Variants in PCCA observed in about 807,000 individuals in gnomAD.
The protein encoded by PCCA is propionyl-CoA carboxylase subunit alpha.
Under a neutral mutation model 101.3 loss-of-function variants are expected in PCCA, and 74 were observed. The observed-to-expected ratio is 0.73, with a 90% CI of 0.61 to 0.89. PCCA has a LOEUF of 0.89. Ranked by LOEUF, PCCA falls within the 40% of genes least tolerant of loss-of-function variation. PCCA has a pLI of 0.00. For missense variants in PCCA, 891 were observed against 907.0 expected (o/e 0.98, Z 0.23); for synonymous variants, 294 against 313.6 (o/e 0.94, Z 0.66).
chr13:100,493,328 A>G (rs1384525714), intron 21 of PCCA, among the ~76,000 whole-genome samples: 1 of 152,146 alleles, frequency 6.6e-6, no homozygotes, highest in Non-Finnish European at 1.5e-5. Flanking sequence ...CAGACCTTCA[A>G]AGGCCTGTTG....
chr13:100,199,463 C>T (rs1048734920), intron 6 of PCCA, among the ~76,000 whole-genome samples: 7 of 152,162 alleles, frequency 4.6e-5, no homozygotes, highest in African/African-American at 1.7e-4. Flanking sequence ...GTTTGACTTA[C>T]AGAGTCTTAC....
intron 6 of PCCA, among the ~76,000 whole-genome samples, chr13:100,194,510 C>T (rs575533026): frequency 2.0e-5 from 3 of 152,226 alleles, no homozygotes; most frequent in African/African-American, 4.8e-5. Flanking sequence ...CTCCGCCTCC[C>T]GGGTTCAAGC....
chr13:100,105,274 G>A (rs1566476124), intron 2 of PCCA, among the ~76,000 whole-genome samples: 1 of 152,056 alleles, frequency 6.6e-6, no homozygotes, highest in Non-Finnish European at 1.5e-5. Context: ...TATTGAATTA[G>A]TTATGATAAA....
At chr13:100,518,307 GT>G in intron 22 of PCCA, among the ~76,000 whole-genome samples, 1 of 152,230 alleles carries the variant, frequency 6.6e-6, no homozygotes, top group Non-Finnish European at 1.5e-5. Flanking sequence ...GAACAAATCT[GT>G]TTTGTGAAGT....
At chr13:100,403,852 C>A (rs1288620801) in intron 19 of PCCA, among the ~76,000 whole-genome samples, 1 of 152,128 alleles carries the variant, frequency 6.6e-6, no homozygotes, top group African/African-American at 2.4e-5. Context: ...GCAAACACTG[C>A]GAACTTCCTG....
At chr13:100,130,360 G>A (rs2152320419) in intron 4 of PCCA, among the ~76,000 whole-genome samples, 1 of 152,342 alleles carries the variant, frequency 6.6e-6, no homozygotes, top group South Asian at 2.1e-4. Context: ...AATGCTGTCT[G>A]GAGATGGCAG....
intron 18 of PCCA, among the ~76,000 whole-genome samples, chr13:100,365,768 A>G (rs2075099941): frequency 6.6e-6 from 1 of 152,248 alleles, no homozygotes; most frequent in African/African-American, 2.4e-5. Flanking sequence ...AAGCTATAGC[A>G]TGTATACACC....
At chr13:100,207,039 G>C (rs778761338) in intron 6 of PCCA, among the ~76,000 whole-genome samples, 6 of 152,156 alleles carry the variant, frequency 3.9e-5, no homozygotes, top group African/African-American at 1.4e-4. Context: ...ATTTCCTTAT[G>C]CAGGCTCCGG....
intron 8 of PCCA, among the ~76,000 whole-genome samples, chr13:100,247,331 C>G (rs1453899786): frequency 4.6e-5 from 7 of 151,166 alleles, no homozygotes; most frequent in Admixed American, 4.0e-4. Context: ...GTTCTCTTGC[C>G]TCAGCCTCCC....
intron 9 of PCCA, 29 bp from the exon 10 acceptor site, chr13:100,262,700 C>A (rs776047080): frequency 2.0e-6 from 2 of 978,500 alleles, no homozygotes; most frequent in Admixed American, 1.7e-5. Context: ...CTCTCCCCCC[C>A]TCCTCCTTCT....
At chr13:100,390,976 A>T (rs145173003) in intron 19 of PCCA, among the ~76,000 whole-genome samples, 2 of 152,040 alleles carry the variant, frequency 1.3e-5, no homozygotes, top group Non-Finnish European at 2.9e-5. Context: ...ATTTTTGATG[A>T]TTAAAGAATA....
chr13:100,124,907 C>T lies in PCCA; in HGVS notation c.300+12846C>T, dbSNP rs999242623. ...GCAACTTAAATGTGAAAACCTCAAA[C>T]GCATTTTTTCTCCTTTACATGATTT... On this transcript the variant is annotated intron_variant, in intron 4 of 23. Transcript: ENST00000376285. Among the ~76,000 whole-genome samples, 6 of 152,188 alleles carry T rather than the reference C, an allele frequency of 3.9e-5. No individual in the cohort carries two copies. In the South Asian group the frequency reaches 6.2e-4, roughly 16 times the overall value.
intron 2 of PCCA, among the ~76,000 whole-genome samples, chr13:100,104,725 A>T (rs2047591780): frequency 6.6e-6 from 1 of 152,128 alleles, no homozygotes; most frequent in African/African-American, 2.4e-5. Context: ...TATTTTTGAG[A>T]TGGAGTCTTG....
At chr13:100,416,532 G>C (rs1392673719) in intron 19 of PCCA, among the ~76,000 whole-genome samples, 1 of 150,420 alleles carries the variant, frequency 6.6e-6, no homozygotes, top group Admixed American at 6.6e-5. Flanking sequence ...GTGTGTGTGT[G>C]TGTGTATGTA....
At chr13:100,452,006 C>CCTCTCTCTCT (rs2081339809) in intron 21 of PCCA, among the ~76,000 whole-genome samples, 1 of 129,154 alleles carries the variant, frequency 7.7e-6, no homozygotes, top group African/African-American at 3.3e-5. Context: ...TCTCTCTCTC[C>CCTCTCTCTCT]TCTCCCTCTC....
At chr13:100,266,190 C>T (rs918178521) in intron 10 of PCCA, among the ~76,000 whole-genome samples, 4 of 152,122 alleles carry the variant, frequency 2.6e-5, no homozygotes, top group Admixed American at 6.5e-5. Flanking sequence ...AGTTGAATTT[C>T]GTAACAGGCC....
At chr13:100,366,689 A>G (rs916787512) in intron 18 of PCCA, among the ~76,000 whole-genome samples, 2 of 151,620 alleles carry the variant, frequency 1.3e-5, no homozygotes, top group Admixed American at 1.3e-4. Flanking sequence ...CCATTCATTC[A>G]TACTCTTCTG....
intron 21 of PCCA, among the ~76,000 whole-genome samples, chr13:100,484,272 T>G (rs1451098449): frequency 6.6e-6 from 1 of 152,184 alleles, no homozygotes; most frequent in Non-Finnish European, 1.5e-5. Flanking sequence ...GTCCCTATTT[T>G]AAGTCTTTAG....
chr13:100,273,982 G>A (rs894462803), intron 12 of PCCA, among the ~76,000 whole-genome samples: 1 of 152,128 alleles, frequency 6.6e-6, no homozygotes, highest in Non-Finnish European at 1.5e-5. Context: ...ATAGAACACA[G>A]GTGAATAATT....
Sources: gnomAD v4.1 joint callset for allele counts (sites outside exome capture counted in the v4.1 genomes callset) on GRCh38, gnomAD v4.1.1 for gene constraint, MANE v1.5 for transcripts, NCBI Gene and HGNC (gene_info 2026-07-23, HGNC 2026-07-21) for gene names.